Variants in CRB1 observed in about 807,000 individuals in gnomAD.
CRB1 encodes the protein crumbs cell polarity complex component 1, also known as protein crumbs homolog 1.
Under a neutral mutation model 120.0 loss-of-function variants are expected in CRB1, and 83 were observed. The observed-to-expected ratio is 0.69, with a 90% confidence interval of 0.58 to 0.83. CRB1 has a LOEUF of 0.83. Among genes scored for constraint, CRB1 ranks in the 40% least tolerant of loss-of-function variants. The probability of loss-of-function intolerance (pLI) is 0.00; values close to 1 mark genes in which losing one functional copy is unlikely to be tolerated. For missense variants in CRB1, 1,699 were observed against 1,687.6 expected (o/e 1.01, Z -0.12); for synonymous variants, 625 against 612.5 (o/e 1.02, Z -0.30).
intron 5 of CRB1, among the ~76,000 whole-genome samples, chr1:197,413,671 G>T (rs1220737281): frequency 6.6e-6 from 1 of 152,170 alleles, no homozygotes; most frequent in Non-Finnish European, 1.5e-5. Flanking sequence ...ACATTCACTA[G>T]TGTGACTTAA....
chr1:197,392,725 A>G (rs929392361), intron 5 of CRB1, among the ~76,000 whole-genome samples: 1 of 152,184 alleles, frequency 6.6e-6, no homozygotes, highest in African/African-American at 2.4e-5. Context: ...AGCTTGTAAT[A>G]AAATACAACA....
chr1:197,201,668 C>A, the CRB1 span, among the ~76,000 whole-genome samples: 1 of 152,130 alleles, frequency 6.6e-6, no homozygotes, highest in Non-Finnish European at 1.5e-5. Context: ...GAGGTGCAGT[C>A]GCACGAATGG....
At chr1:197,429,744 C>T (rs1664786787) in intron 8 of CRB1, 130 bp downstream of exon 8, 12 of 971,566 alleles carry the variant, frequency 1.2e-5, no homozygotes, top group Non-Finnish European at 1.7e-5. Context: ...TTCCCCTATG[C>T]GAGTAGGCTA....
chr1:197,231,855 G>A, the CRB1 span, among the ~76,000 whole-genome samples: 1 of 151,578 alleles, frequency 6.6e-6, no homozygotes, highest in Admixed American at 6.6e-5. Context: ...GACGCTATTT[G>A]TAGTAGGCTG....
the CRB1 span, among the ~76,000 whole-genome samples, chr1:197,232,694 G>A: frequency 6.6e-6 from 1 of 152,082 alleles, no homozygotes; most frequent in Non-Finnish European, 1.5e-5. Flanking sequence ...GAGAGGCCAG[G>A]TCTCTAACAA....
At chr1:197,458,172 C>A (rs1160029902) in intron 11 of CRB1, among the ~76,000 whole-genome samples, 1 of 151,826 alleles carries the variant, frequency 6.6e-6, no homozygotes, top group Non-Finnish European at 1.5e-5. Flanking sequence ...TTTGAAGGGG[C>A]CCTAAGCAAT....
intron 4 of CRB1, among the ~76,000 whole-genome samples, chr1:197,350,553 A>T (rs1196979684): frequency 2.0e-5 from 3 of 152,226 alleles, no homozygotes; most frequent in African/African-American, 7.2e-5. Context: ...CATGGATTTC[A>T]GTGGCTAATA....
chr1:197,398,787 G>T (rs971263400), intron 5 of CRB1, among the ~76,000 whole-genome samples: 4 of 151,938 alleles, frequency 2.6e-5, no homozygotes, highest in Non-Finnish European at 5.9e-5. Flanking sequence ...GGAAGGAGTA[G>T]AGGCACTATA....
rs6690045 is a variant in CRB1, at chr1:197,453,576, G to A, written c.4005+11284G>A. The stretch of plus-strand genomic sequence containing the variant: ...CAGAGAGAGAGAGAGAGAGGGAGAG[G>A]GAGAGAGAGAGAGAGAGAGAGACAA... On this transcript the variant is annotated intron_variant, in intron 11 of 11. Coordinates refer to ENST00000367400, the MANE Select transcript of CRB1 (RefSeq NM_201253.3). 6.7e-3 allele frequency among the ~76,000 whole-genome samples: 798 copies of A among 118,386 alleles called. 8 individuals carry two copies. Among genetic ancestry groups the A allele is most frequent in the African/African-American group, 0.02 (657 of 32,326 alleles). The allele number at this position is 118,386 out of a possible 152,430, so 77.7% of individuals were successfully genotyped here.
At chr1:197,251,422 G>A in the CRB1 span, among the ~76,000 whole-genome samples, 1 of 151,884 alleles carries the variant, frequency 6.6e-6, no homozygotes, top group Non-Finnish European at 1.5e-5. Context: ...CAGGTTCAGA[G>A]ATTTTAAGCT....
chr1:197,372,463 T>A (rs967257504), intron 5 of CRB1, among the ~76,000 whole-genome samples: 1 of 152,240 alleles, frequency 6.6e-6, no homozygotes, highest in Non-Finnish European at 1.5e-5. Flanking sequence ...TCAGAATTTC[T>A]GGTTAAAATT....
intron 5 of CRB1, among the ~76,000 whole-genome samples, chr1:197,407,275 A>G (rs750804471): frequency 6.6e-6 from 1 of 152,240 alleles, no homozygotes; most frequent in Non-Finnish European, 1.5e-5. Context: ...TAGGCAGCAT[A>G]TGGTATAATC....
intron 1 of CRB1, among the ~76,000 whole-genome samples, chr1:197,295,557 G>C (rs1430993231): frequency 6.6e-6 from 1 of 151,980 alleles, no homozygotes; most frequent in African/African-American, 2.4e-5. Context: ...ACTGAGTTGT[G>C]TGTCTCATCA....
chr1:197,448,060 C>T (rs1008132302), intron 11 of CRB1, among the ~76,000 whole-genome samples: 1 of 151,960 alleles, frequency 6.6e-6, no homozygotes, highest in African/African-American at 2.4e-5. Flanking sequence ...ATCTTTTCTC[C>T]TGTTTGTGTC....
At chr1:197,400,953 T>C (rs1663036033) in intron 5 of CRB1, among the ~76,000 whole-genome samples, 1 of 152,106 alleles carries the variant, frequency 6.6e-6, no homozygotes, top group African/African-American at 2.4e-5. Flanking sequence ...TTCCTCTCTG[T>C]TTTTCTCTAT....
At chr1:197,413,570 C>T (rs1293522964) in intron 5 of CRB1, among the ~76,000 whole-genome samples, 1 of 152,184 alleles carries the variant, frequency 6.6e-6, no homozygotes, top group Non-Finnish European at 1.5e-5. Flanking sequence ...TTTTCCACAA[C>T]AGAAGTTGTC....
intron 11 of CRB1, among the ~76,000 whole-genome samples, chr1:197,470,009 G>A (rs530408349): frequency 4.0e-4 from 61 of 152,138 alleles, no homozygotes; most frequent in Admixed American, 1.8e-3. Flanking sequence ...TGCTGCTTCC[G>A]TTCCTCTGCA....
intron 1 of CRB1, among the ~76,000 whole-genome samples, chr1:197,302,429 C>A (rs1242708469): frequency 6.6e-6 from 1 of 152,038 alleles, no homozygotes; most frequent in East Asian, 1.9e-4. Context: ...TTGATATTTG[C>A]TTTATTACAG....
the CRB1 span, among the ~76,000 whole-genome samples, chr1:197,224,394 C>A: frequency 6.6e-6 from 1 of 151,992 alleles, no homozygotes; most frequent in African/African-American, 2.4e-5. Flanking sequence ...ACATTTTTTC[C>A]ACTGGAGGGT....
Sources: gnomAD v4.1 joint callset for allele counts (sites outside exome capture counted in the v4.1 genomes callset) on GRCh38, gnomAD v4.1.1 for gene constraint, MANE v1.5 for transcripts, NCBI Gene and HGNC (gene_info 2026-07-23, HGNC 2026-07-21) for gene names.